The following RHEB variants were observed in gnomAD, a reference collection of about 807,000 sequenced individuals.
RHEB encodes the protein Ras homolog, mTORC1 binding.
Under a neutral mutation model 28.8 loss-of-function variants are expected in RHEB, and 2 were observed. The ratio of observed to expected loss-of-function variants is 0.07; its 90% CI spans 0.03 to 0.22. The LOEUF (loss-of-function observed/expected upper bound fraction) is 0.22. Among genes scored for constraint, RHEB ranks in the 10% least tolerant of loss-of-function variants. The probability of loss-of-function intolerance (pLI) is 1.00; values close to 1 mark genes in which losing one functional copy is unlikely to be tolerated. For missense variants in RHEB, 76 were observed against 219.9 expected, an observed-to-expected ratio of 0.35 and a Z score of 4.14; for synonymous variants, 69 against 77.3, an observed-to-expected ratio of 0.89 and a Z score of 0.56.
chr7:151,470,699 T>C, intron 6 of RHEB, 47 bp from the exon 7 acceptor site: 4 of 1,284,686 alleles, frequency 3.1e-6, no homozygotes, highest in East Asian at 2.3e-5. Context: ...CTCTTCATTA[T>C]ATAAAACATG....
chr7:151,497,709 CCT>C (rs1204155386), intron 1 of RHEB, among the ~76,000 whole-genome samples: 1 of 152,180 alleles, frequency 6.6e-6, no homozygotes, highest in Non-Finnish European at 1.5e-5. Flanking sequence ...GGCATGTAGC[CCT>C]GTCTGCCTTA....
intron 4 of RHEB, among the ~76,000 whole-genome samples, chr7:151,474,830 C>G (rs1802244851): frequency 6.6e-6 from 1 of 152,148 alleles, no homozygotes; most frequent in Admixed American, 6.5e-5. Flanking sequence ...AAGGATTAGA[C>G]AATTCTGATC....
intron 3 of RHEB, 101 bp downstream of exon 3, chr7:151,484,636 G>A: frequency 1.2e-6 from 1 of 836,704 alleles, no homozygotes; most frequent in Non-Finnish European, 2.0e-6. Context: ...CACACAACCT[G>A]AGGGGTTTTC....
intron 4 of RHEB, among the ~76,000 whole-genome samples, chr7:151,476,377 C>T (rs377625815): frequency 6.6e-6 from 1 of 152,236 alleles, no homozygotes; most frequent in Non-Finnish European, 1.5e-5. Flanking sequence ...TTTAGTTAAA[C>T]AGCCACCTGC....
At chr7:151,489,488 T>C (rs962487472) in intron 2 of RHEB, among the ~76,000 whole-genome samples, 1 of 152,204 alleles carries the variant, frequency 6.6e-6, no homozygotes, top group Admixed American at 6.5e-5. Flanking sequence ...CTGGAGTTAG[T>C]TTATCAACCA....
chr7:151,478,718 C>A (rs1802319240), intron 3 of RHEB, among the ~76,000 whole-genome samples: 2 of 152,140 alleles, frequency 1.3e-5, no homozygotes, highest in African/African-American at 4.8e-5. Flanking sequence ...TCACTGCAAC[C>A]TCCACCTCTC....
intron 1 of RHEB, among the ~76,000 whole-genome samples, chr7:151,499,504 A>C (rs1802733069): frequency 6.6e-6 from 1 of 152,210 alleles, no homozygotes; most frequent in African/African-American, 2.4e-5. Flanking sequence ...TGGGCCTCAA[A>C]ATCTCTCTGC....
intron 3 of RHEB, among the ~76,000 whole-genome samples, chr7:151,480,683 A>T (rs1802366918): frequency 8.2e-6 from 1 of 122,256 alleles, no homozygotes; most frequent in African/African-American, 2.8e-5. Flanking sequence ...ATTATTATTA[A>T]TTATTATTTT....
intron 1 of RHEB, among the ~76,000 whole-genome samples, chr7:151,509,074 TCCC>T (rs1802939291): frequency 6.6e-6 from 1 of 151,994 alleles, no homozygotes; most frequent in East Asian, 1.9e-4. Flanking sequence ...AGAGTCCAAC[TCCC>T]CCTCCCAGCA....
intron 1 of RHEB, among the ~76,000 whole-genome samples, chr7:151,505,026 C>T (rs1296925857): frequency 1.5e-5 from 2 of 132,564 alleles, no homozygotes; most frequent in Admixed American, 7.8e-5. Flanking sequence ...GCTAAAACTA[C>T]AAAACTTCTA....
At chr7:151,510,496 A>AC (rs1802962690) in intron 1 of RHEB, among the ~76,000 whole-genome samples, 1 of 152,220 alleles carries the variant, frequency 6.6e-6, no homozygotes, top group Non-Finnish European at 1.5e-5. Context: ...TGTACCCCAT[A>AC]ACAGTAAATG....
chr7:151,489,161 CGAA>C (rs1293638297), intron 2 of RHEB, among the ~76,000 whole-genome samples: 1 of 152,128 alleles, frequency 6.6e-6, no homozygotes, highest in African/African-American at 2.4e-5. Flanking sequence ...GCAGAGCTTA[CGAA>C]GAAAACAATC....
chr7:151,513,172 A>G (rs1803021233), intron 1 of RHEB, among the ~76,000 whole-genome samples: 1 of 152,236 alleles, frequency 6.6e-6, no homozygotes, highest in African/African-American at 2.4e-5. Context: ...ATACTGAAGT[A>G]TGATGGTTGT....
intron 1 of RHEB, among the ~76,000 whole-genome samples, chr7:151,508,219 A>G (rs1802921762): frequency 6.6e-6 from 1 of 152,248 alleles, no homozygotes; most frequent in African/African-American, 2.4e-5. Context: ...TTTAAGAATG[A>G]TCAAAACTAG....
At position 151,473,115 on chromosome 7, in the gene RHEB, G is replaced by A. The variant is rs138149161; in HGVS notation, c.276-1510C>T. 5.3e-3 allele frequency among the ~76,000 whole-genome samples: 809 copies of A among 152,354 alleles called. 4 individuals carry two copies. The highest frequency in any genetic ancestry group is 0.02 in the Middle Eastern group (6 of 294). On this transcript the variant is annotated intron_variant, in intron 4 of 7. Transcript: ENST00000262187. Reference sequence around the variant, plus strand: ...CATCTCCCTGCATGGACCTAGTGACGTGCGTCTAATGAACAGAATATGGCA... The same window carrying A: ...CATCTCCCTGCATGGACCTAGTGACATGCGTCTAATGAACAGAATATGGCA...
chr7:151,473,579 G>C (rs1174260255), intron 4 of RHEB, among the ~76,000 whole-genome samples: 2 of 152,126 alleles, frequency 1.3e-5, no homozygotes, highest in African/African-American at 4.8e-5. Context: ...AAGTTTTACT[G>C]ACGTATTTCT....
In RHEB at chr7:151,476,097, T is replaced by C. The variant is rs138662510; in HGVS notation, c.275+1236A>G. ...TTCAGGTGTAAACTTTCTCGGGGATTGACAGTATGGGGTCTGTTTATAAGA... is the reference window on the plus strand; with the variant it reads ...TTCAGGTGTAAACTTTCTCGGGGATCGACAGTATGGGGTCTGTTTATAAGA... On this transcript the variant is annotated intron_variant, in intron 4 of 7. Coordinates refer to ENST00000262187, the MANE Select transcript of RHEB (RefSeq NM_005614.4). Among the ~76,000 whole-genome samples, 122 of 152,336 alleles carry C rather than the reference T, an allele frequency of 8.0e-4. No homozygotes were observed. In the East Asian group the frequency reaches 0.022, roughly 27 times the overall value.
chr7:151,478,658 G>C (rs917550856), intron 3 of RHEB, among the ~76,000 whole-genome samples: 1 of 151,564 alleles, frequency 6.6e-6, no homozygotes, highest in African/African-American at 2.4e-5. Flanking sequence ...TTTTTGAGAC[G>C]TAGTTTCCCT....
intron 1 of RHEB, among the ~76,000 whole-genome samples, chr7:151,510,029 T>C (rs916259897): frequency 2.0e-5 from 3 of 152,024 alleles, no homozygotes; most frequent in Non-Finnish European, 4.4e-5. Flanking sequence ...AACCCTTCAG[T>C]CACTTCCCAC....
Sources: gnomAD v4.1 joint callset for allele counts (sites outside exome capture counted in the v4.1 genomes callset) on GRCh38, gnomAD v4.1.1 for gene constraint, MANE v1.5 for transcripts, NCBI Gene and HGNC (gene_info 2026-07-23, HGNC 2026-07-21) for gene names.